Variants in ADGRE3 observed in about 807,000 individuals in gnomAD.
ADGRE3 encodes adhesion G protein-coupled receptor E3.
In ADGRE3, 88 loss-of-function variants were observed where a neutral mutation model predicts 80.1. The ratio of observed to expected loss-of-function variants is 1.10; its 90% CI spans 0.93 to 1.31. The LOEUF (loss-of-function observed/expected upper bound fraction) is 1.31, where lower values mean the gene tolerates loss of function less well. ADGRE3 is among the 40% of genes most tolerant of loss of function. The pLI is 0.00. For synonymous variants in ADGRE3, 281 were observed against 294.8 expected, an observed-to-expected ratio of 0.95 and a Z score of 0.48; for missense variants, 715 against 776.5, an observed-to-expected ratio of 0.92 and a Z score of 0.94.
intron 7 of ADGRE3, among the ~76,000 whole-genome samples, chr19:14,649,010 T>A (rs1389968133): frequency 6.7e-6 from 1 of 148,616 alleles, no homozygotes; most frequent in Non-Finnish European, 1.5e-5. Flanking sequence ...ATCTCTCTTT[T>A]GATCTCTTTC....
intron 14 of ADGRE3, among the ~76,000 whole-genome samples, chr19:14,629,580 G>A (rs929294929): frequency 1.3e-5 from 2 of 152,114 alleles, no homozygotes; most frequent in African/African-American, 4.8e-5. Flanking sequence ...CTGGGGAGTT[G>A]CTCCCCCTTC....
In ADGRE3 at chr19:14,651,151, T is replaced by G; in HGVS notation, c.631A>C (p.Asn211His). 6.2e-7 allele frequency: 1 copy of G among 1,614,122 alleles called. No homozygotes were observed. The highest frequency in any genetic ancestry group is 8.5e-7 in the Non-Finnish European group (1 of 1,179,976). Residue 211 changes from asparagine to histidine, a missense_variant, in exon 7 of 16, where the codon AAC becomes CAC. By Grantham distance (68) the Asn-to-His change is moderately conservative (BLOSUM62 1). Coordinates refer to ENST00000253673, the MANE Select transcript of ADGRE3 (RefSeq NM_032571.5). ...DNCSEERKTF[N>H]LNVQMNSMDI... Reference sequence around the variant, plus strand: ...ATTGAGTTCATTTGGACGTTCAAGTTGAATGTCTTTCTTTCTTCAGAGCAA... The same window carrying G: ...ATTGAGTTCATTTGGACGTTCAAGTGGAATGTCTTTCTTTCTTCAGAGCAA...
At chr19:14,609,124 A>G in the ADGRE3 span, among the ~76,000 whole-genome samples, 1 of 152,244 alleles carries the variant, frequency 6.6e-6, no homozygotes, top group Admixed American at 6.5e-5. Flanking sequence ...AAAGGCTCAC[A>G]GGAATGCTTT....
At chr19:14,657,204 CTTTA>C (rs2146882446) in intron 5 of ADGRE3, among the ~76,000 whole-genome samples, 1 of 152,262 alleles carries the variant, frequency 6.6e-6, no homozygotes, top group South Asian at 2.1e-4. Context: ...TTACTTGATT[CTTTA>C]TTTGTTCATT....
intron 7 of ADGRE3, among the ~76,000 whole-genome samples, chr19:14,647,804 G>A (rs1971457414): frequency 6.6e-6 from 1 of 151,576 alleles, no homozygotes; most frequent in Non-Finnish European, 1.5e-5. Flanking sequence ...CTGGCACCGG[G>A]CATGGTGGCT....
intron 8 of ADGRE3, among the ~76,000 whole-genome samples, chr19:14,645,213 A>T (rs1229260727): frequency 6.6e-6 from 1 of 152,142 alleles, no homozygotes; most frequent in African/African-American, 2.4e-5. Context: ...GTGGAGTCTG[A>T]AGCTCTCATG....
chr19:14,607,438 C>T, the ADGRE3 span, among the ~76,000 whole-genome samples: 210 of 151,814 alleles, frequency 1.4e-3, 2 homozygotes, highest in African/African-American at 4.6e-3. Context: ...CTCCTGACCT[C>T]GTGATCTGCC....
intron 13 of ADGRE3, among the ~76,000 whole-genome samples, chr19:14,630,839 T>C (rs750378263): frequency 2.6e-4 from 40 of 152,164 alleles, no homozygotes; most frequent in Non-Finnish European, 4.4e-5. Flanking sequence ...GCATAAGGCA[T>C]TTGAAAACCT....
At chr19:14,659,671 A>C (rs1352210034) in intron 4 of ADGRE3, among the ~76,000 whole-genome samples, 1 of 151,620 alleles carries the variant, frequency 6.6e-6, no homozygotes, top group Non-Finnish European at 1.5e-5. Context: ...AAATACAAAA[A>C]TTAGCTGGGC....
intron 11 of ADGRE3, among the ~76,000 whole-genome samples, chr19:14,635,855 C>T (rs1377038186): frequency 2.0e-5 from 3 of 152,234 alleles, no homozygotes; most frequent in Admixed American, 6.5e-5. Context: ...GTGTATGACT[C>T]TGTTGTGTAA....
chr19:14,658,395 G>T (rs4488589), intron 5 of ADGRE3, 118 bp downstream of exon 5: 116,074 of 396,224 alleles, frequency 0.29, 17,990 homozygotes, highest in African/African-American at 0.46. Flanking sequence ...CATTATATAT[G>T]TATATATAAT....
chr19:14,613,100 A>G, the ADGRE3 span, among the ~76,000 whole-genome samples: 1 of 150,858 alleles, frequency 6.6e-6, no homozygotes, highest in Admixed American at 6.6e-5. Flanking sequence ...TAATTTTTGT[A>G]TTTTTAGTAG....
At chr19:14,635,117 A>T (rs1345857598) in intron 11 of ADGRE3, among the ~76,000 whole-genome samples, 1 of 152,010 alleles carries the variant, frequency 6.6e-6, no homozygotes, top group Non-Finnish European at 1.5e-5. Context: ...TATTTTTTAG[A>T]GTTGGATCTT....
At chr19:14,665,841 T>C (rs1599652871) in intron 2 of ADGRE3, among the ~76,000 whole-genome samples, 1 of 146,510 alleles carries the variant, frequency 6.8e-6, no homozygotes, top group Middle Eastern at 3.6e-3. Flanking sequence ...TTACATAATT[T>C]GTATATTATA....
At chr19:14,634,856 C>T (rs1970992935) in intron 11 of ADGRE3, among the ~76,000 whole-genome samples, 1 of 111,418 alleles carries the variant, frequency 9.0e-6, no homozygotes, top group Admixed American at 9.1e-5. Flanking sequence ...TGTCTAAATT[C>T]CTCGGCTACA....
chr19:14,616,629 T>G (rs867457306), downstream of ADGRE3, among the ~76,000 whole-genome samples: 20 of 151,852 alleles, frequency 1.3e-4, no homozygotes, highest in South Asian at 1.2e-3. Flanking sequence ...CGGTCAAGTT[T>G]GGTAAGACTG....
intron 14 of ADGRE3, chr19:14,628,716 G>T (rs2146809018): frequency 5.2e-6 from 2 of 387,578 alleles, no homozygotes; most frequent in South Asian, 2.2e-5. Flanking sequence ...AGACTGGGAT[G>T]GATCTATGAG....
At chr19:14,616,289 C>A (rs563454849), downstream of ADGRE3, among the ~76,000 whole-genome samples, 1 of 152,148 alleles carries the variant, frequency 6.6e-6, no homozygotes, top group South Asian at 2.1e-4. Flanking sequence ...TTCTTCACAC[C>A]CCGTTGGTGT....
rs112159288 is a variant in ADGRE3, at chr19:14,665,666, T to A, written c.77-2126A>T. 7.6e-3 allele frequency among the ~76,000 whole-genome samples: 1,155 copies of A among 151,508 alleles called. 13 individuals carry two copies. Among genetic ancestry groups the A allele is most frequent in the African/African-American group, 0.027 (1,116 of 41,318 alleles). On this transcript the variant is annotated intron_variant, in intron 2 of 15. Transcript: ENST00000253673. ...CAAAATGCCCAGCTAATTAAAAAAA[T>A]TTTTTTGTAGAGATGGGGTTCTTGC... is the stretch of plus-strand genomic sequence containing the variant.
Sources: gnomAD v4.1 joint callset for allele counts (sites outside exome capture counted in the v4.1 genomes callset) on GRCh38, gnomAD v4.1.1 for gene constraint, MANE v1.5 for transcripts, NCBI Gene and HGNC (gene_info 2026-07-23, HGNC 2026-07-21) for gene names.